Variants in CRACDL observed in about 807,000 individuals in gnomAD.
The protein encoded by CRACDL is CRACD like, also known as CRACD-like protein.
A neutral mutation model predicts 70.6 loss-of-function variants in CRACDL; 26 were observed. The observed-to-expected ratio is 0.37, with a 90% CI of 0.27 to 0.51. CRACDL has a LOEUF of 0.51. Among genes scored for constraint, CRACDL ranks in the 20% least tolerant of loss-of-function variants. The pLI is 0.94. For synonymous variants in CRACDL, 618 were observed against 615.2 expected (o/e 1.00, Z -0.07); for missense variants, 1,283 against 1,376.9 (o/e 0.93, Z 1.08).
rs79749347 is a variant in CRACDL, at chr2:98,797,362, G to A, written c.2592C>T (p.Pro864=). The stretch of plus-strand genomic sequence containing the variant: ...TTGCTCTAAGCACCTGGCCTCTCTC[G>A]GGCACCTTGGCTTGCTTTCCTGGTT... ...KSEPGKQAKV[P]ERGQEPVKQA... is the part of the protein sequence containing the mutation. Residue 864 remains proline, a synonymous_variant, in exon 8 of 10, where the codon CCC becomes CCT. Transcript: ENST00000397899. 8.4e-4 allele frequency: 1,349 copies of A among 1,614,072 alleles called. 9 individuals are homozygous for A. The African/African-American group carries it at 0.016, about 19-fold the overall frequency.
At chr2:98,794,723 T>C (rs1328732538) in intron 9 of CRACDL, 52 bp from the exon 10 acceptor site, 1 of 1,553,612 alleles carries the variant, frequency 6.4e-7, no homozygotes, top group South Asian at 1.1e-5. Flanking sequence ...GACTTCGAAT[T>C]TTCCCTTAAG....
At chr2:98,929,646 G>A (rs1709021363) in intron 1 of CRACDL, among the ~76,000 whole-genome samples, 1 of 152,136 alleles carries the variant, frequency 6.6e-6, no homozygotes, top group Admixed American at 6.5e-5. Context: ...TCCCCCATCT[G>A]GATGGGATGA....
chr2:98,846,119 T>C lies in CRACDL; in HGVS notation c.70+612A>G, dbSNP rs372542776. On this transcript the variant is annotated intron_variant, in intron 2 of 9. Transcript: ENST00000397899. The stretch of plus-strand genomic sequence containing the variant: ...AGAGAAAAGGTACATTGTGGGGAGA[T>C]TAATTTTTTAATGTCAATTTTACAA... Among the ~76,000 whole-genome samples the C allele has an allele frequency of 1.5e-4, 23 of 152,284 alleles. No homozygotes were observed. In the South Asian group the frequency reaches 1.9e-3, roughly 12 times the overall value.
chr2:98,818,534 C>T (rs1028804217), intron 7 of CRACDL, among the ~76,000 whole-genome samples: 1 of 152,148 alleles, frequency 6.6e-6, no homozygotes, highest in Non-Finnish European at 1.5e-5. Context: ...AGGTGGCAGA[C>T]TATCTGGGAG....
At chr2:98,886,967 T>C (rs1374091445) in intron 1 of CRACDL, among the ~76,000 whole-genome samples, 1 of 151,962 alleles carries the variant, frequency 6.6e-6, no homozygotes, top group Non-Finnish European at 1.5e-5. Context: ...AGAAAACATA[T>C]ATAAAGGAGA....
intron 7 of CRACDL, among the ~76,000 whole-genome samples, chr2:98,798,835 T>C (rs1486168157): frequency 6.6e-6 from 1 of 151,924 alleles, no homozygotes; most frequent in African/African-American, 2.4e-5. Flanking sequence ...GGGATTACAG[T>C]CATGCACCAT....
At chr2:98,803,559 C>T (rs1283317506) in intron 7 of CRACDL, among the ~76,000 whole-genome samples, 1 of 152,196 alleles carries the variant, frequency 6.6e-6, no homozygotes, top group Non-Finnish European at 1.5e-5. Flanking sequence ...AAAAAAGCTT[C>T]CCATAAATCA....
At chr2:98,902,507 C>T (rs1273606194) in intron 1 of CRACDL, among the ~76,000 whole-genome samples, 3 of 152,242 alleles carry the variant, frequency 2.0e-5, no homozygotes, top group Non-Finnish European at 4.4e-5. Context: ...GTCAGGGGCT[C>T]CTGAGCAGTG....
At position 98,825,917 on chromosome 2, in the gene CRACDL, A is replaced by G. The variant is rs1228458096; in HGVS notation, c.735+1058T>C. The stretch of plus-strand genomic sequence containing the variant: ...TGAACTCCTGAGTGGCCCTAGCCCA[A>G]CTGTCTCCAGCTGAGGCACCCAGCT... On this transcript the variant is annotated intron_variant, in intron 6 of 9. Coordinates refer to ENST00000397899, the MANE Select transcript of CRACDL (RefSeq NM_207362.3). 2.0e-5 allele frequency among the ~76,000 whole-genome samples: 3 copies of G among 152,224 alleles called. No individual in the cohort carries two copies. In the East Asian group the frequency reaches 5.8e-4, roughly 29 times the overall value.
intron 1 of CRACDL, among the ~76,000 whole-genome samples, chr2:98,860,252 T>C (rs1193886668): frequency 3.9e-5 from 6 of 152,206 alleles, no homozygotes; most frequent in Non-Finnish European, 8.8e-5. Flanking sequence ...ATGCAACCTT[T>C]ATCAAAATCT....
chr2:98,885,345 TAAACC>T (rs1038980939), intron 1 of CRACDL, among the ~76,000 whole-genome samples: 9 of 152,196 alleles, frequency 5.9e-5, no homozygotes, highest in Admixed American at 5.9e-4. Context: ...GAGGAGCTGC[TAAACC>T]AAGGGGGAGG....
intron 8 of CRACDL, among the ~76,000 whole-genome samples, chr2:98,796,915 G>A (rs1703846584): frequency 6.6e-6 from 1 of 152,208 alleles, no homozygotes; most frequent in South Asian, 2.1e-4. Flanking sequence ...CCAGCATGTG[G>A]CCGGTGGAGC....
chr2:98,826,925 G>A lies in CRACDL; in HGVS notation c.735+50C>T, dbSNP rs754303944. Reference sequence around the variant, plus strand: ...GCAGGTTGGGGGGGGGCATAGGGGGGTGCCAAGCCTGCCTGGCCTGCCTCT... The same window carrying A: ...GCAGGTTGGGGGGGGGCATAGGGGGATGCCAAGCCTGCCTGGCCTGCCTCT... On this transcript the variant is annotated intron_variant, in intron 6 of 9. Transcript: ENST00000397899. 15 of 1,430,846 alleles carry A rather than the reference G, an allele frequency of 1.0e-5. No homozygotes were observed. In the East Asian group the frequency reaches 1.3e-4, roughly 12 times the overall value. 88.6% of individuals were successfully genotyped at this position (1,430,846 alleles called of 1,614,324 possible).
intron 9 of CRACDL, among the ~76,000 whole-genome samples, chr2:98,795,265 G>T (rs902295603): frequency 1.3e-5 from 2 of 151,022 alleles, no homozygotes; most frequent in Admixed American, 1.3e-4. Context: ...TAGTAGAGAC[G>T]GGGTTTTGCC....
intron 7 of CRACDL, among the ~76,000 whole-genome samples, chr2:98,808,362 C>T (rs1249561875): frequency 3.9e-5 from 6 of 152,326 alleles, no homozygotes; most frequent in African/African-American, 1.4e-4. Flanking sequence ...TCCACCAAAT[C>T]TGTGGGGGTG....
intron 1 of CRACDL, among the ~76,000 whole-genome samples, chr2:98,888,498 C>T (rs965361948): frequency 1.1e-4 from 17 of 152,014 alleles, no homozygotes; most frequent in Admixed American, 1.0e-3. Context: ...AGGGCAATTA[C>T]TAAGAAAATA....
intron 1 of CRACDL, among the ~76,000 whole-genome samples, chr2:98,919,120 A>G (rs1005831129): frequency 1.3e-5 from 2 of 152,170 alleles, no homozygotes; most frequent in Admixed American, 6.5e-5. Flanking sequence ...GGTGATAGAT[A>G]GGGGTTCCAG....
intron 1 of CRACDL, among the ~76,000 whole-genome samples, chr2:98,922,077 T>C (rs1039433546): frequency 1.3e-5 from 2 of 152,240 alleles, no homozygotes; most frequent in East Asian, 1.9e-4. Context: ...TCTTCTTTTT[T>C]GATTTCTTTC....
intron 1 of CRACDL, among the ~76,000 whole-genome samples, chr2:98,931,058 C>T (rs1293804698): frequency 3.3e-5 from 5 of 152,146 alleles, no homozygotes; most frequent in Non-Finnish European, 5.9e-5. Context: ...GGCATGGTGG[C>T]TTACGCCTGT....
Sources: gnomAD v4.1 joint callset for allele counts (sites outside exome capture counted in the v4.1 genomes callset) on GRCh38, gnomAD v4.1.1 for gene constraint, MANE v1.5 for transcripts, NCBI Gene and HGNC (gene_info 2026-07-23, HGNC 2026-07-21) for gene names.